SCN4A: variants seen among roughly 807,000 people sequenced by gnomAD.
SCN4A encodes sodium channel protein type 4 subunit alpha.
A neutral mutation model predicts 162.0 loss-of-function variants in SCN4A; 83 were observed. The ratio of observed to expected loss-of-function variants is 0.51; its 90% confidence interval spans 0.43 to 0.61. The LOEUF (loss-of-function observed/expected upper bound fraction) is 0.61, where lower values mean the gene tolerates loss of function less well. Among genes scored for constraint, SCN4A ranks in the 20% least tolerant of loss-of-function variants. The probability of loss-of-function intolerance (pLI) is 0.00; values close to 1 mark genes in which losing one functional copy is unlikely to be tolerated. For synonymous variants in SCN4A, 944 were observed against 985.1 expected, an observed-to-expected ratio of 0.96 and a Z score of 0.78; for missense variants, 2,196 against 2,462.5, an observed-to-expected ratio of 0.89 and a Z score of 2.29.
In SCN4A at chr17:63,966,190, C is replaced by A; in HGVS notation, c.1154G>T (p.Gly385Val). 2 of 1,601,222 alleles carry A rather than the reference C, an allele frequency of 1.2e-6. No individual in the cohort carries two copies. The highest frequency in any genetic ancestry group is 8.5e-7 in the Non-Finnish European group (1 of 1,174,074). The change falls in exon 8 of 24, where the codon GGC becomes GTC. Residue 385 changes from glycine to valine, a missense_variant. Transcript: ENST00000435607. ...CIKTGRNPNY[G>V]YTSYDTFSWA... ...GCTGAAGGTGTCATAGCTGGTGTAG[C>A]CATAGTTGGGGTTCCGCCCGGTCTT... is the stretch of plus-strand genomic sequence containing the variant.
At position 63,964,670 on chromosome 17, in the gene SCN4A, C is replaced by T. The variant is rs747906701; in HGVS notation, c.1250G>A (p.Arg417Gln). Residue 417 changes from arginine (R) to glutamine (Q), a missense_variant, in exon 9 of 24, where the codon CGA becomes CAA. By Grantham distance (43) the Arg-to-Gln change is conservative (BLOSUM62 1). Transcript: ENST00000435607. The part of the protein sequence containing the change: ...YWENLFQLTL[R>Q]AAGKTYMIFF... ...GATCATGTAGGTCTTGCCAGCTGCT[C>T]GAAGGGTCTGGGAGTGGAGGGAGAG... The T allele has an allele frequency of 5.0e-6, 8 of 1,605,366 alleles. No homozygotes were observed. The highest frequency in any genetic ancestry group is 1.1e-5 in the South Asian group (1 of 89,616).
intron 22 of SCN4A, 89 bp downstream of exon 22, chr17:63,943,657 G>T: frequency 1.3e-6 from 1 of 796,602 alleles, no homozygotes; most frequent in African/African-American, 1.7e-5. Context: ...CAGCCTGGTG[G>T]GTGGAAGGCA....
intron 17 of SCN4A, 39 bp downstream of exon 17, chr17:63,947,851 C>A: frequency 6.2e-7 from 1 of 1,606,292 alleles, no homozygotes; most frequent in Non-Finnish European, 8.5e-7. Flanking sequence ...CACTGACAGC[C>A]TCTGGATGTA....
rs1184411037 is a variant in SCN4A at position 63,968,186 on chromosome 17, G to C, written c.873C>G (p.Asn291Lys). Residue 291 changes from asparagine (N) to lysine (K), a missense_variant, in exon 6 of 24, where the codon AAC becomes AAG. By Grantham distance (94) the Asn-to-Lys change is moderately conservative. Transcript: ENST00000435607. ...VRWPPPFNDT[N>K]TTWYSNDTWY... is the part of the protein sequence containing the mutation. ...ACGTGTCATTGCTGTACCACGTGGT[G>C]TTGGTGTCGTTGAACGGCGGGGGCC... 6.2e-7 allele frequency: 1 copy of C among 1,614,012 alleles called. No individual in the cohort carries two copies. The highest frequency in any genetic ancestry group is 1.7e-5 in the Admixed American group (1 of 60,024).
intron 13 of SCN4A, among the ~76,000 whole-genome samples, chr17:63,952,370 G>A (rs1908941265): frequency 6.6e-6 from 1 of 152,018 alleles, no homozygotes; most frequent in African/African-American, 2.4e-5. Context: ...ATGTTGCCCA[G>A]GCTGGTCTCA....
rs1908546721 is a variant in SCN4A at position 63,941,850 on chromosome 17, A to G, written c.4432T>C (p.Ser1478Pro). 1 of 1,614,150 alleles carries G rather than the reference A, an allele frequency of 6.2e-7. No homozygotes were observed. The highest frequency in any genetic ancestry group is 8.5e-7 in the Non-Finnish European group (1 of 1,179,968). The change falls in exon 24 of 24, where the codon TCG becomes CCG. Residue 1478 changes from serine to proline, a missense_variant. Ser to Pro is a moderately conservative substitution (Grantham distance 74). Transcript: ENST00000435607. This position sits in a 1 kb window ranked among gnomAD's most constrained non-coding sequence, Gnocchi z 6.2. ...CCGATGTTGAAGAGGGCAGGCAGCG[A>G]CATCATGAGGGCGAACAGCAGCGTC... ...IRTLLFALMM[S>P]LPALFNIGLL... is the part of the protein sequence containing the mutation.
Position 63,945,128 on chromosome 17 carries a change from T to C in SCN4A, c.3721-68A>G. The C allele has an allele frequency of 6.6e-7, 1 of 1,518,666 alleles. No individual in the cohort carries two copies. 94.1% of individuals were successfully genotyped at this position (1,518,666 alleles called of 1,614,324 possible). On this transcript the variant is annotated intron_variant, in intron 19 of 23. Coordinates refer to ENST00000435607, the MANE Select transcript of SCN4A (RefSeq NM_000334.4). This position sits in a 1 kb window ranked among gnomAD's most constrained non-coding sequence, Gnocchi z 4.4. ...TGCTTTCATCATCCATGAGTTTCCC[T>C]CCCCCACCCAACCTGGTCCTCCCCT...
At chr17:63,943,142 G>A (rs776231889) in intron 22 of SCN4A, 46 bp from the exon 23 acceptor site, 18 of 1,582,792 alleles carry the variant, frequency 1.1e-5, no homozygotes, top group Non-Finnish European at 8.6e-6. Flanking sequence ...GGGTGGCCAG[G>A]CCCAGACAGG....
At position 63,957,281 on chromosome 17, in the gene SCN4A, T is replaced by A; in HGVS notation, c.2257A>T (p.Ile753Phe). Residue 753 changes from isoleucine to phenylalanine, a missense_variant, in exon 13 of 24, where the codon ATC becomes TTC. Coordinates refer to ENST00000435607, the MANE Select transcript of SCN4A (RefSeq NM_000334.4). ...TCCCCGCACAGGATGCGGAAGACGA[T>A]GAGGAAGGAGTGGAAGAAATCATGC... ...HMHDFFHSFL[I>F]VFRILCGEWI... 1 of 1,614,040 alleles carries A rather than the reference T, an allele frequency of 6.2e-7. No individual in the cohort carries two copies. The highest frequency in any genetic ancestry group is 8.5e-7 in the Non-Finnish European group (1 of 1,179,944).
chr17:63,955,085 G>A (rs946524635), intron 13 of SCN4A, among the ~76,000 whole-genome samples: 1 of 152,212 alleles, frequency 6.6e-6, no homozygotes, highest in Non-Finnish European at 1.5e-5. Flanking sequence ...TGCTTCTGCT[G>A]ATGCTGACGT....
chr17:63,941,431 A>T lies in SCN4A; in HGVS notation c.4851T>A (p.Phe1617Leu), dbSNP rs373174775. The change falls in exon 24 of 24, where the codon TTT becomes TTA. Residue 1617 changes from phenylalanine (F) to leucine (L), a missense_variant. Phe to Leu is a conservative substitution (Grantham distance 22, BLOSUM62 0). Coordinates refer to ENST00000435607, the MANE Select transcript of SCN4A (RefSeq NM_000334.4). The surrounding 1 kb of genome is among the most constrained non-coding windows in gnomAD (Gnocchi z 6.2). ...TCTCCCATGTCTCGTAGAACATCTC[A>T]AAGTCATCTTCACCAAGGGGCTCGC... Reference protein sequence around the residue: ...ESSEPLGEDDFEMFYETWEKF... With the variant: ...ESSEPLGEDDLEMFYETWEKF... 1 of 1,613,302 alleles carries T rather than the reference A, an allele frequency of 6.2e-7. No homozygotes were observed. The highest frequency in any genetic ancestry group is 8.5e-7 in the Non-Finnish European group (1 of 1,179,340).
intron 14 of SCN4A, 180 bp from the exon 15 acceptor site, chr17:63,949,708 C>T: frequency 1.6e-6 from 1 of 632,816 alleles, no homozygotes; most frequent in Non-Finnish European, 2.6e-6. Flanking sequence ...CGTAGGTGGC[C>T]CTGGTCATGC....
Position 63,951,433 on chromosome 17 carries a change from C to T in SCN4A, c.2844G>A (p.Glu948=), listed in dbSNP as rs1218399197. ...EEETDTFSEP[E]DSKKPPQPLY... is the part of the protein sequence containing the mutation. The stretch of plus-strand genomic sequence containing the variant: ...CCCAGCCCCGGCTCACCTTGCTATC[C>T]TCAGGCTCTGAGAAAGTGTCGGTTT... The change falls in exon 14 of 24, where the codon GAG becomes GAA. Residue 948 remains glutamate, a synonymous_variant. Transcript: ENST00000435607. This position sits in a 1 kb window ranked among gnomAD's most constrained non-coding sequence, Gnocchi z 4.5. The T allele has an allele frequency of 6.2e-7, 1 of 1,600,442 alleles. No individual in the cohort carries two copies. Among genetic ancestry groups the T allele is most frequent in the African/African-American group, 1.3e-5 (1 of 74,694 alleles).
In SCN4A at chr17:63,944,983, C is replaced by T. The variant is rs780322458; in HGVS notation, c.3774+24G>A. 2 of 1,612,604 alleles carry T rather than the reference C, an allele frequency of 1.2e-6. No homozygotes were observed. Among genetic ancestry groups the T allele is most frequent in the South Asian group, 2.2e-5 (2 of 91,002 alleles). On this transcript the variant is annotated intron_variant, in intron 20 of 23. Coordinates refer to ENST00000435607, the MANE Select transcript of SCN4A (RefSeq NM_000334.4). This position sits in a 1 kb window ranked among gnomAD's most constrained non-coding sequence, Gnocchi z 4.3. ...CCTCTTCCCTGGCTCGCTCACCAGC[C>T]ACATCTCAGCGACCCCGACTCACCT...
chr17:63,971,616 G>T, intron 4 of SCN4A, 106 bp downstream of exon 4: 1 of 1,040,154 alleles, frequency 9.6e-7, no homozygotes, highest in South Asian at 1.5e-5. Context: ...CTGCACAACT[G>T]ACCGATGTCC....
intron 23 of SCN4A, 27 bp downstream of exon 23, chr17:63,942,799 C>T: frequency 6.2e-7 from 1 of 1,604,270 alleles, no homozygotes; most frequent in Non-Finnish European, 8.5e-7. Context: ...TCAGTGCTGC[C>T]CTGCCGGTCC....
chr17:63,971,357 T>A (rs1909604130), intron 4 of SCN4A, 104 bp from the exon 5 acceptor site: 9 of 709,872 alleles, frequency 1.3e-5, no homozygotes, highest in Non-Finnish European at 5.0e-6. Context: ...CCCAAGAAAT[T>A]GGGGGTACCA....
rs779894041 is a variant in SCN4A at position 63,951,827 on chromosome 17, C to T, written c.2450G>A (p.Gly817Asp). The change falls in exon 14 of 24, where the codon GGC (glycine) becomes GAC (aspartate). Residue 817 changes from glycine (G) to aspartate (D), a missense_variant. Coordinates refer to ENST00000435607, the MANE Select transcript of SCN4A (RefSeq NM_000334.4). This position sits in a 1 kb window ranked among gnomAD's most constrained non-coding sequence, Gnocchi z 4.5. ...ADSLAASDED[G>D]EMNNLQIAIG... ...GGCAATCTGCAGGTTGTTCATCTCG[C>T]CATCCTCATCCGAGGCTGCCAGACT... 6.3e-6 allele frequency: 10 copies of T among 1,575,442 alleles called. No homozygotes were observed. The South Asian group carries it at 9.3e-5, about 15-fold the overall frequency.
Position 63,968,233 on chromosome 17 carries a change from G to T in SCN4A, c.826C>A (p.Leu276Met). 6.2e-7 allele frequency: 1 copy of T among 1,614,098 alleles called. No homozygotes were observed. Among genetic ancestry groups the T allele is most frequent in the Non-Finnish European group, 8.5e-7 (1 of 1,179,946 alleles). The change falls in exon 6 of 24, where the codon CTG becomes ATG. Residue 276 changes from leucine (L) to methionine (M), a missense_variant. By Grantham distance (15) the Leu-to-Met change is conservative. Coordinates refer to ENST00000435607, the MANE Select transcript of SCN4A (RefSeq NM_000334.4). The part of the protein sequence containing the change: ...LVGLQLFMGN[L>M]RQKCVRWPPP... ...GGCCAGCGCACACACTTCTGCCTCAGGTTTCCCATGAAGAGCTGCAGTCCT... is the reference window on the plus strand; with the variant it reads ...GGCCAGCGCACACACTTCTGCCTCATGTTTCCCATGAAGAGCTGCAGTCCT...
Sources: allele counts gnomAD v4.1 joint callset (sites outside exome capture counted in the v4.1 genomes callset), GRCh38; gene constraint gnomAD v4.1.1; non-coding constraint Gnocchi (gnomAD v3.1); transcripts MANE v1.5; gene names NCBI Gene and HGNC (gene_info 2026-07-23, HGNC 2026-07-21).